The following ERC2 variants were observed in gnomAD, a reference collection of about 807,000 sequenced individuals.
ERC2 encodes ELKS/RAB6-interacting/CAST family member 2, also known as ERC protein 2.
In ERC2, 42 loss-of-function variants were observed where a neutral mutation model predicts 114.8. The ratio of observed to expected loss-of-function variants is 0.37; its 90% confidence interval spans 0.29 to 0.47. The LOEUF (loss-of-function observed/expected upper bound fraction) is 0.47, where lower values mean the gene tolerates loss of function less well. ERC2 is among the 20% of genes least tolerant of loss of function. The pLI is 0.99. For synonymous variants in ERC2, 454 were observed against 425.5 expected (o/e 1.07, Z -0.82); for missense variants, 939 against 1,150.7 (o/e 0.82, Z 2.66).
chr3:56,174,869 T>C (rs2082884127), intron 3 of ERC2, among the ~76,000 whole-genome samples: 1 of 151,872 alleles, frequency 6.6e-6, no homozygotes, highest in Non-Finnish European at 1.5e-5. Context: ...TCCCAGCTAC[T>C]TGGGAGGCTG....
chr3:56,167,324 C>T (rs1272377690), intron 4 of ERC2, among the ~76,000 whole-genome samples: 5 of 152,124 alleles, frequency 3.3e-5, no homozygotes, highest in African/African-American at 1.2e-4. Context: ...TCAGTAAACA[C>T]TGGTGTTTAT....
chr3:56,217,936 A>T (rs2049606934), intron 3 of ERC2, among the ~76,000 whole-genome samples: 2 of 152,124 alleles, frequency 1.3e-5, no homozygotes, highest in African/African-American at 4.8e-5. Context: ...GGCTAGCCAT[A>T]TGTAGAAAGC....
intron 6 of ERC2, among the ~76,000 whole-genome samples, chr3:56,107,262 CTTT>C (rs78417349): frequency 7.5e-4 from 105 of 140,908 alleles, no homozygotes; most frequent in Middle Eastern, 3.6e-3. Context: ...ATTAAATCCA[CTTT>C]TTTTTTTTTT....
intron 14 of ERC2, among the ~76,000 whole-genome samples, chr3:55,737,393 G>T (rs2065701184): frequency 6.6e-6 from 1 of 152,220 alleles, no homozygotes; most frequent in South Asian, 2.1e-4. Flanking sequence ...CAATAGACAT[G>T]CTTGCGGCTC....
intron 7 of ERC2, among the ~76,000 whole-genome samples, chr3:56,028,284 G>A (rs1468632615): frequency 6.6e-6 from 1 of 152,062 alleles, no homozygotes; most frequent in African/African-American, 2.4e-5. Context: ...TTATTCGGGG[G>A]GTTATGCCTT....
At chr3:55,874,820 A>T (rs562637649) in intron 14 of ERC2, among the ~76,000 whole-genome samples, 57 of 152,274 alleles carry the variant, frequency 3.7e-4, no homozygotes, top group African/African-American at 1.3e-3. Context: ...CTGAAGGAGC[A>T]AAGGGAGAAA....
intron 15 of ERC2, among the ~76,000 whole-genome samples, chr3:55,705,155 G>A (rs1276751640): frequency 6.6e-6 from 1 of 152,202 alleles, no homozygotes; most frequent in Non-Finnish European, 1.5e-5. Flanking sequence ...AGAGGAGGAG[G>A]AGAGAAGGGT....
intron 15 of ERC2, among the ~76,000 whole-genome samples, chr3:55,700,494 G>A (rs541356165): frequency 1.9e-4 from 29 of 152,306 alleles, no homozygotes; most frequent in African/African-American, 6.0e-4. Context: ...CGGGGTTGCC[G>A]CTAGGAGCGA....
intron 2 of ERC2, among the ~76,000 whole-genome samples, chr3:56,310,108 G>C (rs1167791223): frequency 6.6e-6 from 1 of 152,164 alleles, no homozygotes; most frequent in African/African-American, 2.4e-5. Context: ...TTGAAGGTCA[G>C]TGTTCTTTCC....
intron 6 of ERC2, among the ~76,000 whole-genome samples, chr3:56,132,674 C>T (rs1448749285): frequency 7.2e-5 from 11 of 152,086 alleles, no homozygotes; most frequent in South Asian, 4.1e-4. Context: ...TATAAATGTA[C>T]GACATGTGCA....
At chr3:55,627,257 C>T (rs192696667) in intron 17 of ERC2, among the ~76,000 whole-genome samples, 89 of 152,304 alleles carry the variant, frequency 5.8e-4, no homozygotes, top group African/African-American at 2.1e-3. Flanking sequence ...CACCTGAGGT[C>T]AGGAGTTCAA....
chr3:55,788,540 T>A (rs765720200), intron 14 of ERC2, among the ~76,000 whole-genome samples: 12 of 152,192 alleles, frequency 7.9e-5, no homozygotes, highest in Non-Finnish European at 1.2e-4. Flanking sequence ...CTCACCTGGA[T>A]ACACTGAGTC....
intron 14 of ERC2, among the ~76,000 whole-genome samples, 157 bp from the exon 15 acceptor site, chr3:55,735,075 A>G (rs1462853304): frequency 6.6e-6 from 1 of 152,188 alleles, no homozygotes; most frequent in Non-Finnish European, 1.5e-5. Context: ...TTCAGAATGG[A>G]CAAAGTAGTT....
At chr3:55,598,116 A>G (rs1471766083) in intron 17 of ERC2, among the ~76,000 whole-genome samples, 1 of 152,240 alleles carries the variant, frequency 6.6e-6, no homozygotes, top group Admixed American at 6.5e-5. Flanking sequence ...GCAAGGACAG[A>G]GAAGACAACT....
At chr3:55,558,160 GT>G (rs1198181049) in intron 17 of ERC2, among the ~76,000 whole-genome samples, 1 of 152,238 alleles carries the variant, frequency 6.6e-6, no homozygotes, top group Admixed American at 6.5e-5. Flanking sequence ...ACAGTTGCAA[GT>G]TAATGCATTC....
chr3:56,316,735 G>A (rs1481260505), intron 2 of ERC2, among the ~76,000 whole-genome samples: 2 of 152,170 alleles, frequency 1.3e-5, no homozygotes, highest in African/African-American at 4.8e-5. Flanking sequence ...AACTTATTCA[G>A]TGAATTCCAG....
intron 1 of ERC2, among the ~76,000 whole-genome samples, chr3:56,467,331 G>T (rs2107603580): frequency 6.6e-6 from 1 of 152,234 alleles, no homozygotes; most frequent in Non-Finnish European, 1.5e-5. Context: ...CACCGCTCGG[G>T]GAGTAAATTG....
rs1408200045 is a variant in ERC2, at chr3:56,067,283, C to T, written c.1641+13534G>A. 3.9e-5 allele frequency among the ~76,000 whole-genome samples: 6 copies of T among 152,132 alleles called. No individual in the cohort carries two copies. In the East Asian group the frequency reaches 9.7e-4, roughly 25 times the overall value. ...AGAGGTCCTTCACATCCCTTGTTAG[C>T]TGTTTCCTAGGTATTTTATTCTCTT... On this transcript the variant is annotated intron_variant, in intron 7 of 17. Transcript: ENST00000288221.
chr3:55,777,400 C>T (rs2068707926), intron 14 of ERC2, among the ~76,000 whole-genome samples: 2 of 152,152 alleles, frequency 1.3e-5, no homozygotes, highest in Admixed American at 6.5e-5. Context: ...TCACCCACAC[C>T]CAAGGACCTA....
Sources: gnomAD v4.1 joint callset for allele counts (sites outside exome capture counted in the v4.1 genomes callset) on GRCh38, gnomAD v4.1.1 for gene constraint, MANE v1.5 for transcripts, NCBI Gene and HGNC (gene_info 2026-07-23, HGNC 2026-07-21) for gene names.